Variants in PCDHA13 observed in about 807,000 individuals in gnomAD.
PCDHA13 encodes the protein protocadherin alpha 13.
In PCDHA13, 54 loss-of-function variants were observed where a neutral mutation model predicts 64.8. The observed-to-expected ratio is 0.83, with a 90% confidence interval of 0.67 to 1.04. PCDHA13 has a LOEUF of 1.04. PCDHA13 is among the 50% of genes least tolerant of loss of function. The pLI, the probability that PCDHA13 is intolerant of heterozygous loss-of-function variation, is 0.00. For synonymous variants in PCDHA13, 587 were observed against 564.4 expected (o/e 1.04, Z -0.57); for missense variants, 1,248 against 1,254.3 (o/e 0.99, Z 0.08).
chr5:140,926,852 T>C, intron 1 of PCDHA13: 2 of 1,517,714 alleles, frequency 1.3e-6, no homozygotes, highest in Non-Finnish European at 1.8e-6. Flanking sequence ...GGGTCACCGT[T>C]GGTGTAGCGT....
intron 1 of PCDHA13, among the ~76,000 whole-genome samples, chr5:140,903,594 A>G (rs868958257): frequency 3.3e-5 from 5 of 152,238 alleles, no homozygotes; most frequent in South Asian, 2.1e-4. Flanking sequence ...TTGGCCTGAT[A>G]AATGCTTAAT....
intron 3 of PCDHA13, among the ~76,000 whole-genome samples, chr5:140,984,861 C>T (rs1163314869): frequency 6.6e-6 from 1 of 151,870 alleles, no homozygotes; most frequent in Non-Finnish European, 1.5e-5. Flanking sequence ...ATAATAACAC[C>T]TATTTTATTG....
Position 140,954,691 on chromosome 5 carries a change from A to G in PCDHA13, c.2395-24258A>G, listed in dbSNP as rs561318179. Among the ~76,000 whole-genome samples the G allele has an allele frequency of 9.2e-5, 14 of 152,162 alleles. No homozygotes were observed. The East Asian group carries it at 2.5e-3, about 27-fold the overall frequency. ...TATTAGACTTTTGTCAGATGGATAG[A>G]CTACAAAATTTTTCTCCCATTCTGT... On this transcript the variant is annotated intron_variant, in intron 1 of 3. Coordinates refer to ENST00000289272, the MANE Select transcript of PCDHA13 (RefSeq NM_018904.3).
At chr5:140,965,864 G>A (rs553582487) in intron 1 of PCDHA13, among the ~76,000 whole-genome samples, 1 of 152,254 alleles carries the variant, frequency 6.6e-6, no homozygotes, top group East Asian at 1.9e-4. Flanking sequence ...CTGAAAATAA[G>A]GGCCACTTGG....
intron 1 of PCDHA13, among the ~76,000 whole-genome samples, chr5:140,941,259 T>TTCTTTC (rs1554214225): frequency 1.2e-3 from 146 of 121,812 alleles, no homozygotes; most frequent in African/African-American, 3.7e-3. Flanking sequence ...TTCTTTCTCT[T>TTCTTTC]TCTTTCTTTC....
chr5:141,007,844 C>T (rs782712601), intron 3 of PCDHA13, among the ~76,000 whole-genome samples: 3 of 152,176 alleles, frequency 2.0e-5, no homozygotes, highest in Non-Finnish European at 4.4e-5. Context: ...ATTAGAGACT[C>T]AAAGTCCTTA....
intron 1 of PCDHA13, among the ~76,000 whole-genome samples, chr5:140,934,320 T>C (rs910163789): frequency 6.6e-6 from 1 of 152,154 alleles, no homozygotes; most frequent in Non-Finnish European, 1.5e-5. Flanking sequence ...AAATGTCCAA[T>C]CATGAATGTA....
chr5:140,928,801 G>C, intron 1 of PCDHA13: 1 of 1,614,184 alleles, frequency 6.2e-7, no homozygotes, highest in Non-Finnish European at 8.5e-7. Context: ...GGTGGTGGTA[G>C]TGGTTCGGGA....
chr5:140,996,175 C>T (rs1296990069), intron 3 of PCDHA13, among the ~76,000 whole-genome samples: 2 of 152,336 alleles, frequency 1.3e-5, no homozygotes, highest in Middle Eastern at 3.4e-3. Flanking sequence ...GTGCTGACAG[C>T]ACCTCCATTT....
chr5:140,994,483 G>A (rs1356969213), intron 3 of PCDHA13, among the ~76,000 whole-genome samples: 1 of 152,062 alleles, frequency 6.6e-6, no homozygotes, highest in East Asian at 1.9e-4. Context: ...CGGGTGGATT[G>A]CCTGAACCCA....
chr5:141,008,530 A>G (rs1176119695), intron 3 of PCDHA13, among the ~76,000 whole-genome samples: 2 of 152,128 alleles, frequency 1.3e-5, no homozygotes, highest in African/African-American at 4.8e-5. Context: ...ACTCTTGGGA[A>G]TGTCTTTTAT....
At chr5:140,928,676 G>A in intron 1 of PCDHA13, 2 of 1,614,166 alleles carry the variant, frequency 1.2e-6, no homozygotes, top group East Asian at 2.2e-5. Context: ...TCTAATGCCT[G>A]GCTTTCCTAC....
At chr5:140,994,081 G>A (rs147535219) in intron 3 of PCDHA13, among the ~76,000 whole-genome samples, 2 of 152,260 alleles carry the variant, frequency 1.3e-5, no homozygotes, top group Admixed American at 6.5e-5. Flanking sequence ...AGGGAGAAAT[G>A]TAAAGAAATA....
chr5:140,961,694 G>A (rs1554225551), intron 1 of PCDHA13, among the ~76,000 whole-genome samples: 2 of 152,152 alleles, frequency 1.3e-5, no homozygotes, highest in Non-Finnish European at 2.9e-5. Flanking sequence ...GTAGTCCTTA[G>A]TATGAATGCC....
At position 140,929,021 on chromosome 5, in the gene PCDHA13, G is replaced by C. The variant is rs782118774; in HGVS notation, c.2394+44359G>C. On this transcript the variant is annotated intron_variant, in intron 1 of 3. Coordinates refer to ENST00000289272, the MANE Select transcript of PCDHA13 (RefSeq NM_018904.3). ...TTCGTGTGTACCAAGTTGCACCAGA[G>C]CCCAGGCTGTTGCGCTCAGAGCTGC... is the stretch of plus-strand genomic sequence containing the variant. The C allele has an allele frequency of 2.5e-6, 4 of 1,614,072 alleles. No individual in the cohort carries two copies. The African/African-American group carries it at 5.3e-5, about 22-fold the overall frequency.
intron 1 of PCDHA13, among the ~76,000 whole-genome samples, chr5:140,934,942 A>G (rs146210062): frequency 2.5e-3 from 376 of 152,312 alleles, no homozygotes; most frequent in African/African-American, 8.6e-3. Flanking sequence ...AAACTAGTAT[A>G]GAGAGATCCC....
chr5:140,970,019 A>G (rs1385793747), intron 1 of PCDHA13, among the ~76,000 whole-genome samples: 2 of 152,212 alleles, frequency 1.3e-5, no homozygotes, highest in Non-Finnish European at 2.9e-5. Context: ...ATGGTGAGGC[A>G]GAGAGATTAA....
intron 1 of PCDHA13, among the ~76,000 whole-genome samples, chr5:140,961,280 C>T (rs246003): frequency 7.2e-5 from 11 of 152,104 alleles, no homozygotes; most frequent in Non-Finnish European, 1.0e-4. Flanking sequence ...TACCATGGCT[C>T]TGTTTCTTGA....
At chr5:140,992,533 C>T (rs1292844643) in intron 3 of PCDHA13, among the ~76,000 whole-genome samples, 1 of 152,188 alleles carries the variant, frequency 6.6e-6, no homozygotes, top group Non-Finnish European at 1.5e-5. Context: ...GGAAAAGTCA[C>T]TGTCACAAGT....
Sources: allele counts gnomAD v4.1 joint callset (sites outside exome capture counted in the v4.1 genomes callset), GRCh38; gene constraint gnomAD v4.1.1; transcripts MANE v1.5; gene names NCBI Gene and HGNC (gene_info 2026-07-23, HGNC 2026-07-21).